The following AFF2 variants were observed in gnomAD, a reference collection of about 807,000 sequenced individuals.
The protein encoded by AFF2 is AF4/FMR2 family member 2.
A neutral mutation model predicts 76.9 loss-of-function variants in AFF2; 14 were observed. The ratio of observed to expected loss-of-function variants is 0.18; its 90% confidence interval spans 0.12 to 0.28. AFF2 has a LOEUF of 0.28. Ranked by LOEUF, AFF2 falls within the 10% of genes least tolerant of loss-of-function variation. AFF2 has a pLI of 1.00. For missense variants in AFF2, 868 were observed against 1,001.1 expected (o/e 0.87, Z 1.79); for synonymous variants, 398 against 366.7 (o/e 1.09, Z -0.98).
At chrX:148,520,221 A>T (rs1557234319) in intron 1 of AFF2, among the ~76,000 whole-genome samples, 2 of 112,189 alleles carry the variant, frequency 1.8e-5, no homozygotes, top group Non-Finnish European at 3.8e-5. Flanking sequence ...TGTATTTGGA[A>T]GGAAATGAAA....
chrX:148,907,040 C>T (rs782686244), intron 9 of AFF2, among the ~76,000 whole-genome samples: 31 of 111,597 alleles, frequency 2.8e-4, no homozygotes, highest in African/African-American at 9.1e-4. Flanking sequence ...AGGTTCCATT[C>T]GTTGGAATCC....
At chrX:148,607,344 C>A (rs1344302090) in intron 1 of AFF2, among the ~76,000 whole-genome samples, 2 of 110,942 alleles carry the variant, frequency 1.8e-5, no homozygotes, top group African/African-American at 6.6e-5. Context: ...ATGGGAGGGA[C>A]CCGGTTGGAG....
Position 148,702,281 on chromosome X carries a change from A to G in AFF2, c.1041+39513A>G, listed in dbSNP as rs1399872604. Among the ~76,000 whole-genome samples, 19 of 111,972 alleles carry G rather than the reference A, an allele frequency of 1.7e-4. No individual in the cohort carries two copies. The Admixed American group carries it at 1.8e-3, about 11-fold the overall frequency. On this transcript the variant is annotated intron_variant, in intron 3 of 20. Transcript: ENST00000370460. Reference sequence around the variant, plus strand: ...TTGTTTAATTATATGGCTTGGAAATAGGAAATTTTACTTGGTCCTTGTCAG... The same window carrying G: ...TTGTTTAATTATATGGCTTGGAAATGGGAAATTTTACTTGGTCCTTGTCAG...
chrX:148,923,536 A>G (rs1291141617), intron 9 of AFF2, among the ~76,000 whole-genome samples: 1 of 111,221 alleles, frequency 9.0e-6, no homozygotes, highest in Non-Finnish European at 1.9e-5. Context: ...TGAAACGGAA[A>G]GATACCAAAC....
At chrX:148,910,206 C>T (rs183062422) in intron 9 of AFF2, among the ~76,000 whole-genome samples, 17 of 112,568 alleles carry the variant, frequency 1.5e-4, no homozygotes, top group South Asian at 1.5e-3. Flanking sequence ...TAGGAAATTA[C>T]GTTTTTTTAG....
chrX:148,932,542 C>T (rs782099222), intron 9 of AFF2, among the ~76,000 whole-genome samples: 1 of 111,693 alleles, frequency 9.0e-6, no homozygotes, highest in African/African-American at 3.3e-5. Context: ...CATTAAGAAG[C>T]CTTTCTTGCC....
intron 3 of AFF2, among the ~76,000 whole-genome samples, chrX:148,789,951 G>T (rs924236413): frequency 9.0e-6 from 1 of 111,302 alleles, no homozygotes. Context: ...GACCTCAGCT[G>T]CTGGGCTCTT....
intron 1 of AFF2, among the ~76,000 whole-genome samples, chrX:148,554,750 C>A (rs2053032854): frequency 8.9e-6 from 1 of 112,449 alleles, no homozygotes. Flanking sequence ...ACTGCTTTTG[C>A]AGTGTAGCTT....
chrX:148,704,773 C>T (rs1037310769), intron 3 of AFF2, among the ~76,000 whole-genome samples: 6 of 107,767 alleles, frequency 5.6e-5, no homozygotes, highest in Admixed American at 1.0e-4. Flanking sequence ...GCAATCCACC[C>T]GCCTCGGCCT....
chrX:148,574,459 A>C (rs189055618), intron 1 of AFF2, among the ~76,000 whole-genome samples: 1 of 111,646 alleles, frequency 9.0e-6, no homozygotes, highest in Admixed American at 9.5e-5. Flanking sequence ...CTGAGCCATA[A>C]CCACAGCTCT....
At chrX:148,617,362 T>C (rs1286092954) in intron 1 of AFF2, among the ~76,000 whole-genome samples, 1 of 112,510 alleles carries the variant, frequency 8.9e-6, no homozygotes, top group Non-Finnish European at 1.9e-5. Context: ...TTTGGCTGCA[T>C]AAATGTCTTG....
At chrX:148,953,951 T>C (rs1440196828) in intron 10 of AFF2, among the ~76,000 whole-genome samples, 1 of 112,614 alleles carries the variant, frequency 8.9e-6, no homozygotes, top group Non-Finnish European at 1.9e-5. Flanking sequence ...CATGCATACA[T>C]TTTTTGCTGT....
At chrX:148,804,628 T>TAAAC (rs2070103378) in intron 3 of AFF2, among the ~76,000 whole-genome samples, 1 of 112,810 alleles carries the variant, frequency 8.9e-6, no homozygotes, top group Admixed American at 9.4e-5. Context: ...TATTTTAAAG[T>TAAAC]AAACACCAGC....
chrX:148,709,359 A>G (rs184676518), intron 3 of AFF2, among the ~76,000 whole-genome samples: 1 of 111,701 alleles, frequency 9.0e-6, no homozygotes, highest in East Asian at 2.8e-4. Flanking sequence ...TCTCTTACAC[A>G]TCCTTGGCAC....
chrX:148,603,183 A>G (rs2053642317), intron 1 of AFF2, among the ~76,000 whole-genome samples: 1 of 111,704 alleles, frequency 9.0e-6, no homozygotes, highest in Non-Finnish European at 1.9e-5. Flanking sequence ...TAATTTGAAG[A>G]CAGACAGTGC....
intron 1 of AFF2, among the ~76,000 whole-genome samples, chrX:148,529,016 C>T (rs782491046): frequency 1.8e-5 from 2 of 112,037 alleles, no homozygotes; most frequent in Non-Finnish European, 3.8e-5. Flanking sequence ...CTACTGTGCT[C>T]ATAAAGTTGA....
At chrX:148,785,056 C>A (rs782546251) in intron 3 of AFF2, among the ~76,000 whole-genome samples, 1 of 111,872 alleles carries the variant, frequency 8.9e-6, no homozygotes, top group African/African-American at 3.3e-5. Flanking sequence ...CTTGCTCCCC[C>A]CCTTCCCCCA....
chrX:148,889,954 G>A (rs1415114748), intron 8 of AFF2, among the ~76,000 whole-genome samples: 6 of 111,943 alleles, frequency 5.4e-5, no homozygotes, highest in African/African-American at 1.3e-4. Flanking sequence ...ACCACTTTAC[G>A]TGATAATAAT....
intron 3 of AFF2, among the ~76,000 whole-genome samples, chrX:148,704,536 AT>A (rs782095431): frequency 1.9e-4 from 19 of 99,171 alleles, no homozygotes; most frequent in African/African-American, 6.5e-4. Context: ...ATATATAAAA[AT>A]TTTTTTTGAG....
Sources: allele counts gnomAD v4.1 joint callset (sites outside exome capture counted in the v4.1 genomes callset), GRCh38; gene constraint gnomAD v4.1.1; transcripts MANE v1.5; gene names NCBI Gene and HGNC (gene_info 2026-07-23, HGNC 2026-07-21).